Variants in HAUS6 observed in about 807,000 individuals in gnomAD.
HAUS6 encodes the protein HAUS augmin like complex subunit 6.
In HAUS6, 80 loss-of-function variants were observed where a neutral mutation model predicts 106.8. The observed-to-expected ratio is 0.75, with a 90% CI of 0.63 to 0.90. HAUS6 has a LOEUF of 0.90. HAUS6 is among the 40% of genes least tolerant of loss of function. The pLI, the probability that HAUS6 is intolerant of heterozygous loss-of-function variation, is 0.00. For synonymous variants in HAUS6, 356 were observed against 379.1 expected (o/e 0.94, Z 0.71); for missense variants, 1,155 against 1,118.1 (o/e 1.03, Z -0.47).
At chr9:19,101,113 G>A (rs550595465) in intron 1 of HAUS6, among the ~76,000 whole-genome samples, 1 of 152,308 alleles carries the variant, frequency 6.6e-6, no homozygotes, top group Admixed American at 6.5e-5. Context: ...ACAAAGGAAA[G>A]ATAAATGTTT....
At chr9:19,085,189 T>C (rs1312929296) in intron 7 of HAUS6, among the ~76,000 whole-genome samples, 1 of 152,206 alleles carries the variant, frequency 6.6e-6, no homozygotes, top group East Asian at 1.9e-4. Context: ...TTGATGAATC[T>C]GTAATTGTCC....
At chr9:19,062,600 C>T (rs1025650235) in intron 14 of HAUS6, among the ~76,000 whole-genome samples, 4 of 152,106 alleles carry the variant, frequency 2.6e-5, no homozygotes, top group East Asian at 1.9e-4. Flanking sequence ...CCATATTACC[C>T]GAGGTAATCA....
At chr9:19,094,457 A>G (rs1190140538) in intron 2 of HAUS6, 62 bp from the exon 3 acceptor site, 2 of 967,422 alleles carry the variant, frequency 2.1e-6, no homozygotes, top group South Asian at 1.4e-5. Context: ...AAAAAGCCTC[A>G]GCAAATTTTT....
At chr9:19,086,980 G>A in intron 6 of HAUS6, 111 bp downstream of exon 6, 1 of 664,628 alleles carries the variant, frequency 1.5e-6, no homozygotes, top group Non-Finnish European at 2.7e-6. Context: ...TCATCATCTG[G>A]CTATTGATAT....
rs1253863944 is a variant in HAUS6 at position 19,054,654 on chromosome 9, G to C, written c.*1689C>G. ...CCAACTTGAGCTTCCCTATCAGATAGTTACCAATCTCTACCCAAGTATATA... is the reference window on the plus strand; with the variant it reads ...CCAACTTGAGCTTCCCTATCAGATACTTACCAATCTCTACCCAAGTATATA... On this transcript the variant is annotated 3_prime_UTR_variant, in exon 17 of 17. Coordinates refer to ENST00000380502, the MANE Select transcript of HAUS6 (RefSeq NM_017645.5). The C allele has an allele frequency of 6.6e-6, 1 of 152,108 alleles. No individual in the cohort carries two copies. Among genetic ancestry groups the C allele is most frequent in the Non-Finnish European group, 1.5e-5 (1 of 68,024 alleles). 9.4% of individuals were successfully genotyped at this position (152,108 alleles called of 1,614,324 possible).
At chr9:19,086,017 T>C (rs996677209) in intron 7 of HAUS6, among the ~76,000 whole-genome samples, 3 of 151,244 alleles carry the variant, frequency 2.0e-5, no homozygotes, top group African/African-American at 7.3e-5. Context: ...AATAGTACTA[T>C]AAAAAGAAAG....
intron 3 of HAUS6, among the ~76,000 whole-genome samples, chr9:19,093,956 C>G (rs1817808229): frequency 6.6e-6 from 1 of 152,178 alleles, no homozygotes; most frequent in East Asian, 1.9e-4. Flanking sequence ...TTTTTCTAAA[C>G]TCTACGTGGA....
At chr9:19,061,713 T>C (rs76302176) in intron 14 of HAUS6, among the ~76,000 whole-genome samples, 128 of 152,288 alleles carry the variant, frequency 8.4e-4, no homozygotes, top group African/African-American at 3.0e-3. Flanking sequence ...TGCACGCCTA[T>C]AGTCGTAGCT....
intron 1 of HAUS6, 55 bp downstream of exon 1, chr9:19,102,469 C>G (rs1020028087): frequency 6.3e-7 from 1 of 1,576,980 alleles, no homozygotes; most frequent in Non-Finnish European, 8.7e-7. Context: ...AAGGGGGAGT[C>G]CCCCGGCGTC....
At chr9:19,075,710 T>C (rs985586504) in intron 11 of HAUS6, among the ~76,000 whole-genome samples, 3 of 152,124 alleles carry the variant, frequency 2.0e-5, no homozygotes, top group African/African-American at 7.2e-5. Flanking sequence ...TCCCAGCACT[T>C]TGGGAGGCCA....
intron 12 of HAUS6, among the ~76,000 whole-genome samples, chr9:19,069,090 G>C (rs1375778212): frequency 6.6e-6 from 1 of 152,070 alleles, no homozygotes; most frequent in African/African-American, 2.4e-5. Flanking sequence ...AGTGGGAAAA[G>C]GCTGGACCAG....
At chr9:19,057,860 T>A in intron 16 of HAUS6, 101 bp downstream of exon 16, 4 of 662,674 alleles carry the variant, frequency 6.0e-6, no homozygotes. Flanking sequence ...GGGGAGCACA[T>A]TAACAATAAA....
chr9:19,093,160 G>C lies in HAUS6; in HGVS notation c.436+11C>G. The C allele has an allele frequency of 6.7e-7, 1 of 1,496,454 alleles. No individual in the cohort carries two copies. The highest frequency in any genetic ancestry group is 9.1e-7 in the Non-Finnish European group (1 of 1,100,738). 92.7% of individuals were successfully genotyped at this position (1,496,454 alleles called of 1,614,324 possible). The stretch of plus-strand genomic sequence containing the variant: ...AATCAAAACAAAAAATCTTTTATAA[G>C]TTGAACTTACTTTTAGAATTGGATT... On this transcript the variant is annotated intron_variant, in intron 4 of 16. Transcript: ENST00000380502.
intron 15 of HAUS6, among the ~76,000 whole-genome samples, 197 bp from the exon 16 acceptor site, chr9:19,059,198 T>C (rs1347116781): frequency 6.6e-6 from 1 of 152,164 alleles, no homozygotes; most frequent in Non-Finnish European, 1.5e-5. Flanking sequence ...CTCGCACAAA[T>C]AAACACATAT....
intron 7 of HAUS6, among the ~76,000 whole-genome samples, chr9:19,085,769 C>T (rs1161945906): frequency 2.6e-5 from 4 of 152,108 alleles, no homozygotes; most frequent in Non-Finnish European, 5.9e-5. Flanking sequence ...TAACATCTCC[C>T]TTCAGTTAAT....
rs945420409 is a variant in HAUS6 at position 19,056,155 on chromosome 9, G to C, written c.*188C>G. The C allele has an allele frequency of 1.2e-4, 60 of 498,380 alleles. No homozygotes were observed. The highest frequency in any genetic ancestry group is 1.2e-4 in the Non-Finnish European group (34 of 280,870). 30.9% of individuals were successfully genotyped at this position (498,380 alleles called of 1,614,324 possible). A position where few individuals can be genotyped will look rare whatever the true frequency, so the allele number is the denominator to read the frequency against. ...CATTTCAATCTCATATACCTACAAA[G>C]AGGAAAAAATCCAAACATACTTTCC... On this transcript the variant is annotated 3_prime_UTR_variant, in exon 17 of 17. Coordinates refer to ENST00000380502, the MANE Select transcript of HAUS6 (RefSeq NM_017645.5).
chr9:19,084,446 T>A (rs10963949), intron 7 of HAUS6, among the ~76,000 whole-genome samples: 1 of 151,892 alleles, frequency 6.6e-6, no homozygotes, highest in Non-Finnish European at 1.5e-5. Flanking sequence ...TTACATGGAC[T>A]TGTTCACTTT....
chr9:19,089,307 C>A, intron 5 of HAUS6, 105 bp downstream of exon 5: 1 of 704,768 alleles, frequency 1.4e-6, no homozygotes, highest in Non-Finnish European at 2.4e-6. Context: ...AGAAAGATAA[C>A]CGCCAAGGTT....
At chr9:19,057,844 AGGAAGGGGGAGCACAT>A in intron 16 of HAUS6, 101 bp downstream of exon 16, 1 of 619,768 alleles carries the variant, frequency 1.6e-6, no homozygotes, top group Non-Finnish European at 2.8e-6. Flanking sequence ...TCCTAAATGA[AGGAAGGGGGAGCACAT>A]TAACAATAAA....
Sources: gnomAD v4.1 joint callset for allele counts (sites outside exome capture counted in the v4.1 genomes callset) on GRCh38, gnomAD v4.1.1 for gene constraint, MANE v1.5 for transcripts, NCBI Gene and HGNC (gene_info 2026-07-23, HGNC 2026-07-21) for gene names.